The following STAU2 variants were observed in gnomAD, a reference collection of about 807,000 sequenced individuals.
STAU2 encodes staufen double-stranded RNA binding protein 2.
A neutral mutation model predicts 65.9 loss-of-function variants in STAU2; 20 were observed. The observed-to-expected ratio is 0.30, with a 90% CI of 0.21 to 0.44. STAU2 has a LOEUF of 0.44. STAU2 is among the 20% of genes least tolerant of loss of function. The probability of loss-of-function intolerance (pLI) is 1.00; values close to 1 mark genes in which losing one functional copy is unlikely to be tolerated. For missense variants in STAU2, 558 were observed against 683.9 expected (o/e 0.82, Z 2.05); for synonymous variants, 232 against 233.9 (o/e 0.99, Z 0.07).
chr8:73,605,079 GAATT>G (rs1335592872), intron 9 of STAU2, among the ~76,000 whole-genome samples: 1 of 152,008 alleles, frequency 6.6e-6, no homozygotes, highest in Admixed American at 6.6e-5. Flanking sequence ...CAGTGAAAAT[GAATT>G]AATTATTGCT....
intron 3 of STAU2, among the ~76,000 whole-genome samples, chr8:73,721,489 AATT>A (rs1478407698): frequency 6.6e-6 from 1 of 152,026 alleles, no homozygotes; most frequent in Non-Finnish European, 1.5e-5. Flanking sequence ...CACTTCTATC[AATT>A]ATTGACAGGG....
At chr8:73,552,573 G>A (rs188188726) in intron 12 of STAU2, among the ~76,000 whole-genome samples, 6 of 152,264 alleles carry the variant, frequency 3.9e-5, no homozygotes, top group Non-Finnish European at 7.4e-5. Context: ...ATGTGTAGTA[G>A]TGAAGCTATA....
At chr8:73,429,765 C>T (rs1248530611) in intron 13 of STAU2, among the ~76,000 whole-genome samples, 1 of 152,076 alleles carries the variant, frequency 6.6e-6, no homozygotes, top group Non-Finnish European at 1.5e-5. Context: ...GCTCACGTTC[C>T]AGATACCTGA....
intron 6 of STAU2, among the ~76,000 whole-genome samples, chr8:73,625,231 T>C (rs571291326): frequency 1.2e-4 from 19 of 152,160 alleles, no homozygotes; most frequent in Non-Finnish European, 2.4e-4. Context: ...CCAAGAGAAA[T>C]GAAAACTGGG....
chr8:73,550,401 T>C, intron 13 of STAU2: 1 of 985,028 alleles, frequency 1.0e-6, no homozygotes, highest in African/African-American at 1.7e-5. Context: ...TAAGACATTC[T>C]GGTAGCAAAA....
At chr8:73,534,439 T>C (rs983509817) in intron 13 of STAU2, among the ~76,000 whole-genome samples, 6 of 152,222 alleles carry the variant, frequency 3.9e-5, no homozygotes, top group Non-Finnish European at 7.3e-5. Context: ...CTTTTTTTGA[T>C]CACTTGATGA....
At chr8:73,567,631 T>C (rs1420987745) in intron 12 of STAU2, among the ~76,000 whole-genome samples, 1 of 151,678 alleles carries the variant, frequency 6.6e-6, no homozygotes, top group African/African-American at 2.4e-5. Context: ...CACTGCAACC[T>C]CCACCTCCCA....
chr8:73,595,053 T>G, intron 11 of STAU2, 113 bp downstream of exon 11: 1 of 812,996 alleles, frequency 1.2e-6, no homozygotes, highest in Non-Finnish European at 1.9e-6. Flanking sequence ...ATCTTTGTAT[T>G]GCCTCAGAAA....
intron 6 of STAU2, among the ~76,000 whole-genome samples, chr8:73,666,706 C>G (rs1165419127): frequency 6.6e-6 from 1 of 152,140 alleles, no homozygotes; most frequent in East Asian, 1.9e-4. Context: ...AGAATGTAGG[C>G]CATAAACTTG....
chr8:73,566,888 T>C (rs1808651744), intron 12 of STAU2, among the ~76,000 whole-genome samples: 1 of 152,244 alleles, frequency 6.6e-6, no homozygotes, highest in South Asian at 2.1e-4. Context: ...ACTGCCAACC[T>C]GAGATTCAGA....
intron 5 of STAU2, among the ~76,000 whole-genome samples, chr8:73,687,384 T>A (rs933655254): frequency 0.053 from 5,397 of 101,952 alleles, 278 homozygotes; most frequent in Middle Eastern, 0.12. Flanking sequence ...TAATTTATAT[T>A]TATAAAAATA....
At chr8:73,739,326 T>A (rs953424163) in intron 2 of STAU2, among the ~76,000 whole-genome samples, 9 of 151,708 alleles carry the variant, frequency 5.9e-5, no homozygotes, top group African/African-American at 2.2e-4. Flanking sequence ...TGGGATCTTG[T>A]AATGAAAAAA....
At chr8:73,735,073 A>G (rs572618950) in intron 3 of STAU2, among the ~76,000 whole-genome samples, 6 of 152,212 alleles carry the variant, frequency 3.9e-5, no homozygotes, top group Admixed American at 3.9e-4. Flanking sequence ...AGCTGAGACT[A>G]CAGGCATGTG....
intron 4 of STAU2, among the ~76,000 whole-genome samples, chr8:73,692,239 C>T (rs1221401298): frequency 6.6e-6 from 1 of 151,666 alleles, no homozygotes; most frequent in East Asian, 1.9e-4. Flanking sequence ...TGCTCTGTCG[C>T]CAAGGTTGGA....
At chr8:73,680,376 C>G in intron 5 of STAU2, among the ~76,000 whole-genome samples, 1 of 152,100 alleles carries the variant, frequency 6.6e-6, no homozygotes, top group Admixed American at 6.5e-5. Flanking sequence ...AAATAACCAT[C>G]GCTGCAGTTC....
At chr8:73,456,626 C>T (rs749986230) in intron 13 of STAU2, among the ~76,000 whole-genome samples, 9 of 152,010 alleles carry the variant, frequency 5.9e-5, no homozygotes, top group Non-Finnish European at 1.0e-4. Context: ...GGCCCATATT[C>T]GGAGGTCTTG....
chr8:73,435,046 G>A (rs927722417), intron 13 of STAU2, among the ~76,000 whole-genome samples: 1 of 128,146 alleles, frequency 7.8e-6, no homozygotes, highest in African/African-American at 4.7e-5. Context: ...GGAACACCTG[G>A]CAGATGTCAG....
At chr8:73,701,482 C>T (rs1820097137) in intron 4 of STAU2, among the ~76,000 whole-genome samples, 1 of 151,994 alleles carries the variant, frequency 6.6e-6, no homozygotes, top group Admixed American at 6.6e-5. Flanking sequence ...TGAAAAGGTG[C>T]TCAACATCAC....
At chr8:73,572,429 TGGCAGA>T (rs1356244491) in intron 12 of STAU2, among the ~76,000 whole-genome samples, 1 of 152,186 alleles carries the variant, frequency 6.6e-6, no homozygotes, top group East Asian at 1.9e-4. Flanking sequence ...TACCAAAGCC[TGGCAGA>T]GATACAACAA....
Sources: allele counts gnomAD v4.1 joint callset (sites outside exome capture counted in the v4.1 genomes callset), GRCh38; gene constraint gnomAD v4.1.1; transcripts MANE v1.5; gene names NCBI Gene and HGNC (gene_info 2026-07-23, HGNC 2026-07-21).